LRRTM4: variants seen among roughly 807,000 people sequenced by gnomAD.
LRRTM4 encodes leucine-rich repeat transmembrane neuronal protein 4.
In LRRTM4, 25 loss-of-function variants were observed where a neutral mutation model predicts 47.6. The ratio of observed to expected loss-of-function variants is 0.53; its 90% CI spans 0.38 to 0.73. LRRTM4 has a LOEUF of 0.73. LRRTM4 is among the 30% of genes least tolerant of loss of function. The probability of loss-of-function intolerance (pLI) is 0.00; values close to 1 mark genes in which losing one functional copy is unlikely to be tolerated. For missense variants in LRRTM4, 638 were observed against 713.4 expected, an observed-to-expected ratio of 0.89 and a Z score of 1.20; for synonymous variants, 311 against 269.5, an observed-to-expected ratio of 1.15 and a Z score of -1.51.
chr2:76,778,768 T>G (rs942144144), intron 3 of LRRTM4, among the ~76,000 whole-genome samples: 3 of 151,022 alleles, frequency 2.0e-5, no homozygotes, highest in African/African-American at 7.3e-5. Flanking sequence ...CCTTCAGTTC[T>G]GCTCTGAGTT....
chr2:76,784,395 A>T (rs1674562580), intron 3 of LRRTM4, among the ~76,000 whole-genome samples: 1 of 152,030 alleles, frequency 6.6e-6, no homozygotes, highest in African/African-American at 2.4e-5. Context: ...ATACATATGG[A>T]CTCTAATTAC....
chr2:77,110,987 T>C (rs1273024663), intron 3 of LRRTM4, among the ~76,000 whole-genome samples: 8 of 152,254 alleles, frequency 5.3e-5, no homozygotes, highest in African/African-American at 1.9e-4. Flanking sequence ...TCTTTTGGTA[T>C]AAACATGGTC....
rs931003210 is a variant in LRRTM4, at chr2:76,905,637, C to G, written c.1552-156721G>C. ...GAATGTATAACTAGAATAACCAATA[C>G]AGAGAAGTGCTTAAAGGAGCTGACT... On this transcript the variant is annotated intron_variant, in intron 3 of 3. Coordinates refer to ENST00000409884, the MANE Select transcript of LRRTM4 (RefSeq NM_001134745.3). Among the ~76,000 whole-genome samples, 29 of 120,812 alleles carry G rather than the reference C, an allele frequency of 2.4e-4. 1 individual carries two copies. Among genetic ancestry groups the G allele is most frequent in the Non-Finnish European group, 3.3e-5 (2 of 59,868 alleles). 79.3% of individuals were successfully genotyped at this position (120,812 alleles called of 152,430 possible).
At chr2:77,180,082 A>G (rs1331498366) in intron 3 of LRRTM4, among the ~76,000 whole-genome samples, 1 of 152,196 alleles carries the variant, frequency 6.6e-6, no homozygotes, top group African/African-American at 2.4e-5. Flanking sequence ...TTGGATATCA[A>G]TGTATAAGAA....
chr2:77,191,022 C>T (rs1290510322), intron 3 of LRRTM4, among the ~76,000 whole-genome samples: 1 of 151,798 alleles, frequency 6.6e-6, no homozygotes, highest in African/African-American at 2.4e-5. Flanking sequence ...AATTTTGCAC[C>T]AATCTAATAC....
chr2:77,358,630 A>G (rs1452537332), intron 3 of LRRTM4, among the ~76,000 whole-genome samples: 3 of 152,362 alleles, frequency 2.0e-5, no homozygotes, highest in Non-Finnish European at 4.4e-5. Flanking sequence ...TTGAAGTACT[A>G]TGTCAAAAAA....
intron 3 of LRRTM4, among the ~76,000 whole-genome samples, chr2:77,137,794 T>C (rs1436276064): frequency 1.3e-5 from 2 of 151,764 alleles, no homozygotes; most frequent in African/African-American, 2.4e-5. Flanking sequence ...ACCAAGCAAA[T>C]TTAAAACAAA....
chr2:77,078,098 C>T (rs1680405723), intron 3 of LRRTM4, among the ~76,000 whole-genome samples: 1 of 152,092 alleles, frequency 6.6e-6, no homozygotes, highest in East Asian at 1.9e-4. Context: ...GCAAGAATTT[C>T]TTTGTGTTTT....
At chr2:77,067,686 TAC>T (rs3058033) in intron 3 of LRRTM4, among the ~76,000 whole-genome samples, 22,406 of 140,486 alleles carry the variant, frequency 0.16, 2,072 homozygotes, top group Middle Eastern at 0.23. Flanking sequence ...CAAAGATACG[TAC>T]ACACACACAC....
At chr2:77,080,551 C>G (rs1680497172) in intron 3 of LRRTM4, among the ~76,000 whole-genome samples, 1 of 152,120 alleles carries the variant, frequency 6.6e-6, no homozygotes, top group South Asian at 2.1e-4. Context: ...CACAATTCTA[C>G]CCCAAATTGA....
chr2:77,099,343 A>AT (rs1670891720), intron 3 of LRRTM4, among the ~76,000 whole-genome samples: 1 of 152,114 alleles, frequency 6.6e-6, no homozygotes, highest in East Asian at 1.9e-4. Context: ...CAAAAACATG[A>AT]TTAGACCCAA....
At chr2:77,183,075 T>C (rs1216727309) in intron 3 of LRRTM4, among the ~76,000 whole-genome samples, 4 of 152,026 alleles carry the variant, frequency 2.6e-5, no homozygotes, top group Non-Finnish European at 5.9e-5. Context: ...AAAGCCAAAA[T>C]TGACAAATGG....
intron 3 of LRRTM4, among the ~76,000 whole-genome samples, chr2:76,800,877 A>AG (rs577783876): frequency 3.3e-5 from 5 of 149,986 alleles, no homozygotes; most frequent in South Asian, 2.1e-4. Flanking sequence ...TGGCCATCAG[A>AG]AAATGCAAAT....
intron 3 of LRRTM4, among the ~76,000 whole-genome samples, chr2:77,106,165 C>T (rs995316060): frequency 1.6e-4 from 24 of 152,256 alleles, no homozygotes; most frequent in Non-Finnish European, 1.5e-4. Context: ...TTAATTTAAA[C>T]AAATTTTGCA....
In LRRTM4 at chr2:76,959,870, C is replaced by A. The variant is rs147180019; in HGVS notation, c.1552-210954G>T. Among the ~76,000 whole-genome samples the A allele has an allele frequency of 5.0e-3, 761 of 151,642 alleles. 6 individuals are homozygous for A. Among genetic ancestry groups the A allele is most frequent in the African/African-American group, 0.018 (739 of 41,414 alleles). On this transcript the variant is annotated intron_variant, in intron 3 of 3. Coordinates refer to ENST00000409884, the MANE Select transcript of LRRTM4 (RefSeq NM_001134745.3). Reference sequence around the variant, plus strand: ...TGCATTATGATTTAAAAACTCCAACCCTTATTTGGTTTTATTATTATTTTA... The same window carrying A: ...TGCATTATGATTTAAAAACTCCAACACTTATTTGGTTTTATTATTATTTTA...
Position 77,519,891 on chromosome 2 carries a change from C to T in LRRTM4, c.5-27G>A. Reference sequence around the variant, plus strand: ...TACGATATTAAAAAAAAGACAGATGCACATTGTGAAGCTATTAAAATAAAT... The same window carrying T: ...TACGATATTAAAAAAAAGACAGATGTACATTGTGAAGCTATTAAAATAAAT... On this transcript the variant is annotated intron_variant, in intron 2 of 3. Coordinates refer to ENST00000409884, the MANE Select transcript of LRRTM4 (RefSeq NM_001134745.3). This position sits in a 1 kb window ranked among gnomAD's most constrained non-coding sequence, Gnocchi z 4.6. 2.0e-6 allele frequency: 3 copies of T among 1,531,462 alleles called. No individual in the cohort carries two copies. Among genetic ancestry groups the T allele is most frequent in the Non-Finnish European group, 2.6e-6 (3 of 1,139,010 alleles). 94.9% of individuals were successfully genotyped at this position (1,531,462 alleles called of 1,614,324 possible).
intron 3 of LRRTM4, among the ~76,000 whole-genome samples, chr2:76,995,994 T>A (rs1056123708): frequency 1.3e-5 from 2 of 151,878 alleles, no homozygotes; most frequent in Middle Eastern, 3.4e-3. Flanking sequence ...TAGTATTTTT[T>A]AAAAATGATT....
intron 3 of LRRTM4, among the ~76,000 whole-genome samples, chr2:76,950,692 C>T (rs1480542241): frequency 1.3e-5 from 2 of 151,588 alleles, no homozygotes; most frequent in African/African-American, 2.4e-5. Flanking sequence ...TAAATTAGGG[C>T]CCTATGAAAG....
At chr2:76,895,776 T>A (rs1376004147) in intron 3 of LRRTM4, among the ~76,000 whole-genome samples, 1 of 146,178 alleles carries the variant, frequency 6.8e-6, no homozygotes, top group East Asian at 2.0e-4. Context: ...CTGTTTTTTA[T>A]AAAAAATTAA....
Sources: gnomAD v4.1 joint callset for allele counts (sites outside exome capture counted in the v4.1 genomes callset) on GRCh38, gnomAD v4.1.1 for gene constraint, Gnocchi (gnomAD v3.1) non-coding constraint, MANE v1.5 for transcripts, NCBI Gene and HGNC (gene_info 2026-07-23, HGNC 2026-07-21) for gene names.